The following PTPN13 variants were observed in gnomAD, a reference collection of about 807,000 sequenced individuals.
The protein encoded by PTPN13 is tyrosine-protein phosphatase non-receptor type 13.
PTPN13 carries 191 observed loss-of-function variants against 284.0 expected under a neutral mutation model. The observed-to-expected ratio is 0.67, with a 90% CI of 0.60 to 0.76. PTPN13 has a LOEUF of 0.76. Ranked by LOEUF, PTPN13 falls within the 30% of genes least tolerant of loss-of-function variation. The pLI, the probability that PTPN13 is intolerant of heterozygous loss-of-function variation, is 0.00. For missense variants in PTPN13, 2,797 were observed against 2,939.9 expected, an observed-to-expected ratio of 0.95 and a Z score of 1.12; for synonymous variants, 986 against 1,022.3, an observed-to-expected ratio of 0.96 and a Z score of 0.68.
chr4:86,618,167 C>T (rs1460160685), intron 1 of PTPN13, among the ~76,000 whole-genome samples: 1 of 152,104 alleles, frequency 6.6e-6, no homozygotes, highest in South Asian at 2.1e-4. Context: ...TTCCCAGCAC[C>T]ATTTATTAAA....
intron 2 of PTPN13, among the ~76,000 whole-genome samples, chr4:86,652,973 T>C (rs1725270762): frequency 6.6e-6 from 1 of 152,124 alleles, no homozygotes; most frequent in East Asian, 1.9e-4. Flanking sequence ...TATTTCCATA[T>C]AGCCTGTTGT....
In PTPN13 at chr4:86,602,858, C is replaced by G. The variant is rs72870628; in HGVS notation, c.-6+8069C>G. 2.8e-3 allele frequency among the ~76,000 whole-genome samples: 422 copies of G among 152,086 alleles called. 4 individuals are homozygous for G. Among genetic ancestry groups the G allele is most frequent in the African/African-American group, 9.7e-3 (403 of 41,514 alleles). Reference sequence around the variant, plus strand: ...GGCACCTGCTGCCACACACACCTGGCTAATTTTATTTGTATTTATTTGTAG... The same window carrying G: ...GGCACCTGCTGCCACACACACCTGGGTAATTTTATTTGTATTTATTTGTAG... On this transcript the variant is annotated intron_variant, in intron 1 of 47. Transcript: ENST00000411767.
intron 7 of PTPN13, among the ~76,000 whole-genome samples, chr4:86,712,890 T>C (rs1030913532): frequency 6.6e-6 from 1 of 151,618 alleles, no homozygotes; most frequent in African/African-American, 2.4e-5. Flanking sequence ...AAAAAGAAAA[T>C]AAAACATAGG....
rs1740367715 is a variant in PTPN13 at position 86,774,437 on chromosome 4, A to C, written c.5414A>C (p.Lys1805Thr). Reference protein sequence around the residue: ...EKGSLGFTVTKGNQRIGCYVH... With the variant: ...EKGSLGFTVTTGNQRIGCYVH... ...GGAAGCCTGGGTTTTACAGTAACCA[A>C]AGGCAATCAGAGAATTGGTTGTTAT... Residue 1805 changes from lysine (K) to threonine (T), a missense_variant, in exon 33 of 48, where the codon AAA becomes ACA. By Grantham distance (78) the Lys-to-Thr change is moderately conservative. Coordinates refer to ENST00000411767, the MANE Select transcript of PTPN13 (RefSeq NM_080683.3). 1 of 1,605,876 alleles carries C rather than the reference A, an allele frequency of 6.2e-7. No homozygotes were observed. The highest frequency in any genetic ancestry group is 1.7e-5 in the Admixed American group (1 of 58,992).
In PTPN13 at chr4:86,693,071, TAAAAAAAAAAA is replaced by T. The variant is rs34543988; in HGVS notation, c.547-504_547-494del. On this transcript the variant is annotated intron_variant, in intron 5 of 47. Transcript: ENST00000411767. ...TGACAGAGTGAGACTCCGTTATATT[TAAAAAAAAAAA>T]AAAAAAAAAAAGACTTAGCATTTCA... 4.5e-3 allele frequency among the ~76,000 whole-genome samples: 500 copies of T among 112,306 alleles called. 1 individual carries two copies. Among genetic ancestry groups the T allele is most frequent in the African/African-American group, 0.016 (483 of 30,112 alleles). 73.7% of individuals were successfully genotyped at this position (112,306 alleles called of 152,430 possible).
chr4:86,761,118 T>G (rs1388094672), intron 23 of PTPN13, among the ~76,000 whole-genome samples: 1 of 137,362 alleles, frequency 7.3e-6, no homozygotes, highest in East Asian at 2.2e-4. Flanking sequence ...TAGATATATA[T>G]GTGATGTGTG....
intron 2 of PTPN13, among the ~76,000 whole-genome samples, chr4:86,651,915 T>G (rs989165250): frequency 1.3e-5 from 2 of 152,164 alleles, no homozygotes; most frequent in African/African-American, 2.4e-5. Flanking sequence ...TGTTTATCTT[T>G]TCAAAAAACC....
In PTPN13 at chr4:86,769,930, G is replaced by A. The variant is rs1284154182; in HGVS notation, c.4651G>A (p.Gly1551Arg). 1.2e-6 allele frequency: 2 copies of A among 1,613,836 alleles called. No homozygotes were observed. The highest frequency in any genetic ancestry group is 1.7e-6 in the Non-Finnish European group (2 of 1,179,884). ...AGCAGAAAGTGGAAAAATTGATGTA[G>A]GAGATGTTATCTTGAAAGTGAATGG... ...PAAESGKIDV[G>R]DVILKVNGAS... Residue 1551 changes from glycine (G) to arginine (R), a missense_variant, in exon 29 of 48, where the codon GGA becomes AGA. Physicochemically the swap from Gly to Arg is moderately radical, Grantham distance 125. Transcript: ENST00000411767.
Position 86,799,054 on chromosome 4 carries a change from G to C in PTPN13, c.6402-47G>C. Reference sequence around the variant, plus strand: ...AATCATTCAGGGCCATGTTTAATTTGAGTACAAAAATGAAGAAAATGTTTC... The same window carrying C: ...AATCATTCAGGGCCATGTTTAATTTCAGTACAAAAATGAAGAAAATGTTTC... On this transcript the variant is annotated intron_variant, in intron 41 of 47. Transcript: ENST00000411767. 8.7e-7 allele frequency: 1 copy of C among 1,152,176 alleles called. No homozygotes were observed. The highest frequency in any genetic ancestry group is 1.5e-5 in the South Asian group (1 of 67,538). The allele number at this position is 1,152,176 out of a possible 1,614,324, so 71.4% of individuals were successfully genotyped here. A position where few individuals can be genotyped will look rare whatever the true frequency, so the allele number is the denominator to read the frequency against.
At chr4:86,607,431 C>G (rs1038198273) in intron 1 of PTPN13, among the ~76,000 whole-genome samples, 1 of 151,922 alleles carries the variant, frequency 6.6e-6, no homozygotes, top group East Asian at 1.9e-4. Context: ...GTGCTAGGCA[C>G]TCTTTTAAGA....
chr4:86,741,558 C>A, intron 15 of PTPN13, 76 bp from the exon 16 acceptor site: 2 of 1,346,224 alleles, frequency 1.5e-6, no homozygotes, highest in Non-Finnish European at 2.1e-6. Context: ...ACGGCCAAAC[C>A]ATATCATACA....
At chr4:86,754,461 CACA>C (rs1737748166) in intron 20 of PTPN13, among the ~76,000 whole-genome samples, 1 of 151,922 alleles carries the variant, frequency 6.6e-6, no homozygotes, top group African/African-American at 2.4e-5. Context: ...ATTTAATGCC[CACA>C]ACAACCCTAT....
At position 86,762,830 on chromosome 4, in the gene PTPN13, C is replaced by A; in HGVS notation, c.3657C>A (p.His1219Gln). Reference sequence around the variant, plus strand: ...TAGATTCTTCTTCCAAGGATCACCACTGGTCACGTGGTACCCTGAGGCACA... The same window carrying A: ...TAGATTCTTCTTCCAAGGATCACCAATGGTCACGTGGTACCCTGAGGCACA... Reference protein sequence around the residue: ...SAIDSSSKDHHWSRGTLRHIS... With the variant: ...SAIDSSSKDHQWSRGTLRHIS... The change falls in exon 24 of 48, where the codon CAC (histidine) becomes CAA (glutamine). Residue 1219 changes from histidine (H) to glutamine (Q), a missense_variant. Transcript: ENST00000411767. 6.2e-7 allele frequency: 1 copy of A among 1,613,954 alleles called. No homozygotes were observed. The highest frequency in any genetic ancestry group is 8.5e-7 in the Non-Finnish European group (1 of 1,179,836).
chr4:86,742,774 C>A (rs1175865498), intron 16 of PTPN13, among the ~76,000 whole-genome samples: 3 of 152,170 alleles, frequency 2.0e-5, no homozygotes, highest in African/African-American at 7.2e-5. Flanking sequence ...GCTGGCAGAG[C>A]CCATGTCTGA....
At chr4:86,645,503 T>C (rs1420063075) in intron 2 of PTPN13, among the ~76,000 whole-genome samples, 2 of 152,170 alleles carry the variant, frequency 1.3e-5, no homozygotes, top group East Asian at 3.8e-4. Flanking sequence ...CTTGAACTCA[T>C]AGATGTTTAA....
chr4:86,693,591 A>T lies in PTPN13; in HGVS notation c.551A>T (p.Asp184Val). The T allele has an allele frequency of 6.5e-7, 1 of 1,547,764 alleles. No homozygotes were observed. The highest frequency in any genetic ancestry group is 8.8e-7 in the Non-Finnish European group (1 of 1,142,516). The stretch of plus-strand genomic sequence containing the variant: ...TTTTTTATTACCTGTGTACAGACAG[A>T]TCAGCTTTCCTGTAACAGTGAACAA... Reference protein sequence around the residue: ...KLVLGNLSGTDQLSCNSEQKP... With the variant: ...KLVLGNLSGTVQLSCNSEQKP... The change falls in exon 6 of 48, where the codon GAT (aspartate) becomes GTT (valine). Residue 184 changes from aspartate to valine, a missense_variant. Physicochemically the swap from Asp to Val is radical, Grantham distance 152. Transcript: ENST00000411767.
rs1022861312 is a variant in PTPN13 at position 86,701,274 on chromosome 4, A to G, written c.668A>G (p.Gln223Arg). The G allele has an allele frequency of 1.3e-6, 2 of 1,598,000 alleles. No homozygotes were observed. The highest frequency in any genetic ancestry group is 3.5e-5 in the Admixed American group (2 of 56,970). The change falls in exon 7 of 48, where the codon CAA becomes CGA. Residue 223 changes from glutamine to arginine, a missense_variant. Transcript: ENST00000411767. Reference sequence around the variant, plus strand: ...TCTACTTCTGATGTACTAGACATACAAAAGCCTCCACTCTCTCATCAGACC... The same window carrying G: ...TCTACTTCTGATGTACTAGACATACGAAAGCCTCCACTCTCTCATCAGACC... Reference protein sequence around the residue: ...RSSTSDVLDIQKPPLSHQTFL... With the variant: ...RSSTSDVLDIRKPPLSHQTFL...
At chr4:86,665,112 C>T (rs1318819791) in intron 2 of PTPN13, among the ~76,000 whole-genome samples, 1 of 152,096 alleles carries the variant, frequency 6.6e-6, no homozygotes, top group Non-Finnish European at 1.5e-5. Flanking sequence ...TAGCATAGTT[C>T]TGGAAGTACA....
intron 40 of PTPN13, among the ~76,000 whole-genome samples, chr4:86,791,728 GGACCTCCAGCAAACTCCAACA>G (rs1183528304): frequency 1.3e-5 from 2 of 152,186 alleles, no homozygotes; most frequent in African/African-American, 4.8e-5. Flanking sequence ...GGTCTGGAGT[GGACCTCCAGCAAACTCCAACA>G]GACCTGCAGC....
Sources: allele counts gnomAD v4.1 joint callset (sites outside exome capture counted in the v4.1 genomes callset), GRCh38; gene constraint gnomAD v4.1.1; transcripts MANE v1.5; gene names NCBI Gene and HGNC (gene_info 2026-07-23, HGNC 2026-07-21).